Variants in TDP1 observed in about 807,000 individuals in gnomAD.
TDP1 encodes tyr-DNA phosphodiesterase 1.
TDP1 carries 64 observed loss-of-function variants against 81.5 expected under a neutral mutation model. The ratio of observed to expected loss-of-function variants is 0.79; its 90% confidence interval spans 0.64 to 0.97. The LOEUF (loss-of-function observed/expected upper bound fraction) is 0.97, where lower values mean the gene tolerates loss of function less well. Among genes scored for constraint, TDP1 ranks in the 50% least tolerant of loss-of-function variants. The pLI is 0.00. For synonymous variants in TDP1, 256 were observed against 264.3 expected (o/e 0.97, Z 0.30); for missense variants, 723 against 743.8 (o/e 0.97, Z 0.33).
chr14:89,988,082 ATTTACTGC>A (rs1448045456), intron 10 of TDP1, among the ~76,000 whole-genome samples: 1 of 152,106 alleles, frequency 6.6e-6, no homozygotes, highest in African/African-American at 2.4e-5. Context: ...AACACTTAAC[ATTTACTGC>A]TTTATTATAA....
chr14:90,031,061 CCA>C (rs1887223847), intron 15 of TDP1, among the ~76,000 whole-genome samples: 1 of 152,002 alleles, frequency 6.6e-6, no homozygotes, highest in Non-Finnish European at 1.5e-5. Context: ...GTGTGAACCA[CCA>C]CACTCAGCCT....
In TDP1 at chr14:89,963,660, C is replaced by G; in HGVS notation, c.546C>G (p.Ala182=). The G allele has an allele frequency of 1.9e-6, 3 of 1,613,942 alleles. No individual in the cohort carries two copies. The highest frequency in any genetic ancestry group is 2.5e-6 in the Non-Finnish European group (3 of 1,179,902). The change falls in exon 3 of 17, where the codon GCC becomes GCG. Residue 182 remains alanine (A), a synonymous_variant. Coordinates refer to ENST00000335725, the MANE Select transcript of TDP1 (RefSeq NM_018319.4). The part of the protein sequence containing the change: ...SGVKPKYNSG[A]LHIKDILSPL... ...TTAAGCCAAAGTATAACTCTGGAGC[C>G]CTCCACATCAAGGGTAAGAGGATGC...
chr14:89,963,910 A>T (rs1271700080), intron 3 of TDP1, among the ~76,000 whole-genome samples: 1 of 152,202 alleles, frequency 6.6e-6, no homozygotes, highest in Non-Finnish European at 1.5e-5. Flanking sequence ...ATCACTTAGC[A>T]CGATGTTTAG....
intron 7 of TDP1, 33 bp downstream of exon 7, chr14:89,975,848 C>T (rs1448432689): frequency 1.3e-6 from 2 of 1,573,230 alleles, no homozygotes; most frequent in African/African-American, 1.3e-5. Context: ...GGGAACCCCT[C>T]AAGCATTGTC....
rs1444442263 is a variant in TDP1 at position 89,985,141 on chromosome 14, T to C, written c.1062T>C (p.Leu354=). ...TTTTATGTCTTTTTAGTGTTTATCT[T>C]ATTGGTTCAACCCCAGGACGCTTTC... ...KHDLSETNVY[L]IGSTPGRFQG... Residue 354 remains leucine, a synonymous_variant, in exon 10 of 17, where the codon CTT becomes CTC. Transcript: ENST00000335725. 1.2e-6 allele frequency: 2 copies of C among 1,610,636 alleles called. No homozygotes were observed. The highest frequency in any genetic ancestry group is 1.7e-6 in the Non-Finnish European group (2 of 1,177,890).
intron 16 of TDP1, among the ~76,000 whole-genome samples, chr14:90,039,577 G>A (rs1888156734): frequency 6.6e-6 from 1 of 151,878 alleles, no homozygotes; most frequent in Admixed American, 6.6e-5. Flanking sequence ...AGAGTCATAA[G>A]TCCTTAACCC....
At chr14:90,025,115 A>G (rs1451345407) in intron 15 of TDP1, among the ~76,000 whole-genome samples, 1 of 152,188 alleles carries the variant, frequency 6.6e-6, no homozygotes, top group Non-Finnish European at 1.5e-5. Flanking sequence ...ATTTGGAGCC[A>G]TTGTTGCAGA....
At chr14:90,026,353 A>C (rs1886650387) in intron 15 of TDP1, among the ~76,000 whole-genome samples, 1 of 152,244 alleles carries the variant, frequency 6.6e-6, no homozygotes, top group Non-Finnish European at 1.5e-5. Context: ...GTATCTTGGT[A>C]CCTGCTGATG....
At chr14:90,020,700 A>T (rs1416133617) in intron 15 of TDP1, among the ~76,000 whole-genome samples, 1 of 136,282 alleles carries the variant, frequency 7.3e-6, no homozygotes, top group African/African-American at 2.9e-5. Flanking sequence ...ACAAACACAC[A>T]TGACAAAGCT....
chr14:89,968,960 A>T (rs1053841456), intron 5 of TDP1, among the ~76,000 whole-genome samples: 1 of 152,226 alleles, frequency 6.6e-6, no homozygotes, highest in African/African-American at 2.4e-5. Context: ...GATGGACATT[A>T]ATCCAGTATG....
intron 15 of TDP1, among the ~76,000 whole-genome samples, chr14:90,023,308 T>C (rs536797721): frequency 1.3e-5 from 2 of 152,226 alleles, no homozygotes; most frequent in South Asian, 4.1e-4. Context: ...GAGATAATAG[T>C]GCAGGCTGTG....
Position 89,975,824 on chromosome 14 carries a change from TTTTTGTGAA to T in TDP1, c.791+10_791+18del. 6.2e-7 allele frequency: 1 copy of T among 1,610,018 alleles called. No individual in the cohort carries two copies. Among genetic ancestry groups the T allele is most frequent in the Non-Finnish European group, 8.5e-7 (1 of 1,176,264 alleles). On this transcript the variant is annotated intron_variant, in intron 7 of 16. Transcript: ENST00000335725. Reference sequence around the variant, plus strand: ...TTTGGAACACACCACACGTAAGCACTTTTTGTGAAATAGGGGAACCCCTCAAGCATTGTC... The same window carrying T: ...TTTGGAACACACCACACGTAAGCACTATAGGGGAACCCCTCAAGCATTGTC...
intron 16 of TDP1, among the ~76,000 whole-genome samples, chr14:90,041,041 G>C (rs1888304014): frequency 6.6e-6 from 1 of 152,232 alleles, no homozygotes; most frequent in Admixed American, 6.5e-5. Context: ...CTGGCTGAGT[G>C]GTAAATGCTT....
chr14:90,022,339 T>C (rs867234152), intron 15 of TDP1, among the ~76,000 whole-genome samples: 2 of 152,062 alleles, frequency 1.3e-5, no homozygotes, highest in Non-Finnish European at 2.9e-5. Context: ...ATCAGAGGAG[T>C]TGCTGAGTAG....
At chr14:90,036,133 C>T (rs542252062) in intron 16 of TDP1, among the ~76,000 whole-genome samples, 10 of 152,074 alleles carry the variant, frequency 6.6e-5, no homozygotes, top group Non-Finnish European at 1.2e-4. Context: ...CATATAATCT[C>T]AGGGTATGCT....
chr14:90,030,012 C>G (rs1017725739), intron 15 of TDP1, among the ~76,000 whole-genome samples: 2 of 152,228 alleles, frequency 1.3e-5, no homozygotes, highest in Non-Finnish European at 2.9e-5. Flanking sequence ...GTGCTCATAT[C>G]ATCTTCATTT....
intron 6 of TDP1, 72 bp downstream of exon 6, chr14:89,971,343 C>T: frequency 1.8e-6 from 2 of 1,132,260 alleles, no homozygotes; most frequent in Non-Finnish European, 2.7e-6. Flanking sequence ...TTAGTCCACC[C>T]TCTCACTTAG....
rs114777876 is a variant in TDP1, at chr14:90,017,328, G to A, written c.1542-1988G>A. On this transcript the variant is annotated intron_variant, in intron 14 of 16. Transcript: ENST00000335725. ...GCCCGTGATTCAAAGTATTAACCCA[G>A]AATGTAAAAAGTTATTAAAGATGAT... Among the ~76,000 whole-genome samples the A allele has an allele frequency of 4.5e-3, 684 of 151,774 alleles. 10 individuals carry two copies. The highest frequency in any genetic ancestry group is 0.016 in the African/African-American group (666 of 41,284).
chr14:89,971,326 T>TA (rs2140007966), intron 6 of TDP1, 55 bp downstream of exon 6: 3 of 1,294,094 alleles, frequency 2.3e-6, no homozygotes, highest in African/African-American at 2.9e-5. Context: ...GAAGGAAACT[T>TA]AGACATTTAG....
Sources: allele counts gnomAD v4.1 joint callset (sites outside exome capture counted in the v4.1 genomes callset), GRCh38; gene constraint gnomAD v4.1.1; transcripts MANE v1.5; gene names NCBI Gene and HGNC (gene_info 2026-07-23, HGNC 2026-07-21).